AAGAB: variants seen among roughly 807,000 people sequenced by gnomAD.
AAGAB encodes the protein alpha- and gamma-adaptin-binding protein p34.
Under a neutral mutation model 44.1 loss-of-function variants are expected in AAGAB, and 38 were observed. The observed-to-expected ratio is 0.86, with a 90% CI of 0.67 to 1.13. The LOEUF is 1.13. Ranked by LOEUF, AAGAB falls within the 50% of genes most tolerant of loss-of-function variation. The pLI, the probability that AAGAB is intolerant of heterozygous loss-of-function variation, is 0.00. For missense variants in AAGAB, 450 were observed against 373.8 expected (o/e 1.20, Z -1.68); for synonymous variants, 131 against 131.8 (o/e 0.99, Z 0.04).
chr15:67,204,442 G>A (rs760700955), intron 7 of AAGAB, among the ~76,000 whole-genome samples: 14 of 152,196 alleles, frequency 9.2e-5, no homozygotes, highest in South Asian at 2.1e-4. Context: ...CAGCTAGTAA[G>A]TTGATTCAGA....
intron 7 of AAGAB, among the ~76,000 whole-genome samples, chr15:67,206,128 T>C (rs1270856375): frequency 1.3e-5 from 2 of 152,264 alleles, no homozygotes; most frequent in Non-Finnish European, 2.9e-5. Context: ...CTCCAATTTG[T>C]GACAGTTCCT....
Position 67,204,066 on chromosome 15 carries a change from A to G in AAGAB, c.798T>C (p.Phe266=), listed in dbSNP as rs756589595. The change falls in exon 8 of 10, where the codon TTT becomes TTC. Residue 266 remains phenylalanine, a synonymous_variant. Coordinates refer to ENST00000261880, the MANE Select transcript of AAGAB (RefSeq NM_024666.5). ...GGDVENFERL[F]SKLKEMKDKA... is the part of the protein sequence containing the mutation. ...TACCTTTCATTTCCTTTAACTTTGA[A>G]AAGAGTCTTTCAAAATTCTCCACAT... 28 of 1,608,490 alleles carry G rather than the reference A, an allele frequency of 1.7e-5. No individual in the cohort carries two copies. In the South Asian group the frequency reaches 3.1e-4, roughly 18 times the overall value.
chr15:67,236,899 T>C, intron 1 of AAGAB, 79 bp from the exon 2 acceptor site: 2 of 1,155,680 alleles, frequency 1.7e-6, no homozygotes, highest in Non-Finnish European at 2.4e-6. Context: ...AGATACCAGA[T>C]AAAGCTGGTA....
chr15:67,211,028 C>T (rs926090620), intron 5 of AAGAB, among the ~76,000 whole-genome samples: 2 of 152,190 alleles, frequency 1.3e-5, no homozygotes, highest in Non-Finnish European at 2.9e-5. Flanking sequence ...GATACCTGGT[C>T]ATACAGAGAT....
intron 1 of AAGAB, among the ~76,000 whole-genome samples, chr15:67,253,774 A>G (rs1343856507): frequency 1.3e-5 from 2 of 151,960 alleles, no homozygotes; most frequent in Admixed American, 6.6e-5. Flanking sequence ...AAAAAAGAAA[A>G]GAAGGAAGGA....
At chr15:67,242,561 T>G (rs192126902) in intron 1 of AAGAB, among the ~76,000 whole-genome samples, 176 of 152,276 alleles carry the variant, frequency 1.2e-3, no homozygotes, top group African/African-American at 3.8e-3. Flanking sequence ...TGTCAAATAT[T>G]TTGCAGTAGT....
intron 7 of AAGAB, among the ~76,000 whole-genome samples, chr15:67,206,054 AC>A (rs1963677855): frequency 6.6e-6 from 1 of 152,162 alleles, no homozygotes; most frequent in Non-Finnish European, 1.5e-5. Context: ...CGGTTTTTCC[AC>A]TAATATCCTT....
intron 5 of AAGAB, among the ~76,000 whole-genome samples, chr15:67,225,178 A>G (rs1040880383): frequency 2.0e-5 from 3 of 152,204 alleles, no homozygotes; most frequent in Admixed American, 1.3e-4. Flanking sequence ...ATGTGCAAAC[A>G]CGTTTGAGAA....
intron 4 of AAGAB, among the ~76,000 whole-genome samples, chr15:67,235,623 G>C (rs992586180): frequency 2.6e-5 from 4 of 152,100 alleles, no homozygotes; most frequent in African/African-American, 9.7e-5. Flanking sequence ...AGGTTACTAT[G>C]AATTCAAAAT....
chr15:67,254,967 C>A, upstream of AAGAB: 1 of 1,609,148 alleles, frequency 6.2e-7, no homozygotes, highest in Non-Finnish European at 8.5e-7. Flanking sequence ...GGGCTTCCCC[C>A]GGCCCTGCCC....
chr15:67,239,552 T>C (rs1431754627), intron 1 of AAGAB, among the ~76,000 whole-genome samples: 3 of 152,246 alleles, frequency 2.0e-5, no homozygotes, highest in Non-Finnish European at 4.4e-5. Context: ...TTTTGTTTTA[T>C]TCTCTGTGCT....
chr15:67,244,663 G>C (rs1964678814), intron 1 of AAGAB, among the ~76,000 whole-genome samples: 1 of 152,064 alleles, frequency 6.6e-6, no homozygotes, highest in African/African-American at 2.4e-5. Flanking sequence ...AATTAGCTGG[G>C]TGTGGTGGCA....
At chr15:67,225,746 T>C (rs541456246) in intron 5 of AAGAB, among the ~76,000 whole-genome samples, 1 of 152,356 alleles carries the variant, frequency 6.6e-6, no homozygotes, top group Admixed American at 6.5e-5. Context: ...TATGATTGAA[T>C]AACAGTCCAT....
intron 5 of AAGAB, among the ~76,000 whole-genome samples, chr15:67,225,665 C>T (rs933731015): frequency 4.6e-5 from 7 of 152,176 alleles, no homozygotes; most frequent in African/African-American, 1.2e-4. Context: ...CCTCTCGTGT[C>T]GGGCTTTTTT....
At chr15:67,222,242 G>GCGCGCACACACACACACACA (rs1367738219) in intron 5 of AAGAB, among the ~76,000 whole-genome samples, 5 of 90,042 alleles carry the variant, frequency 5.6e-5, no homozygotes, top group Admixed American at 2.8e-4. Flanking sequence ...GCGCGCGCGC[G>GCGCGCACACACACACACACA]CACACACACA....
intron 5 of AAGAB, among the ~76,000 whole-genome samples, chr15:67,217,809 C>T (rs7178794): frequency 1 from 152,335 of 152,360 alleles, 76,155 homozygotes; most frequent in Non-Finnish European, 1. Flanking sequence ...ATGCTGGAAT[C>T]ACAGGTGTGA....
chr15:67,216,047 A>G (rs1963936500), intron 5 of AAGAB, among the ~76,000 whole-genome samples: 1 of 152,190 alleles, frequency 6.6e-6, no homozygotes, highest in East Asian at 1.9e-4. Context: ...ATTTGAACAT[A>G]TAATGAACAT....
In AAGAB at chr15:67,244,450, T is replaced by C. The variant is rs976329324; in HGVS notation, c.74-7630A>G. Among the ~76,000 whole-genome samples, 16 of 152,172 alleles carry C rather than the reference T, an allele frequency of 1.1e-4. 1 individual carries two copies. The highest frequency in any genetic ancestry group is 3.9e-4 in the African/African-American group (16 of 41,446). On this transcript the variant is annotated intron_variant, in intron 1 of 9. Coordinates refer to ENST00000261880, the MANE Select transcript of AAGAB (RefSeq NM_024666.5). ...AAATTATATATCAATAAGGGACTTGTAACCAGAATATATAAGAACTTTTTC... is the reference window on the plus strand; with the variant it reads ...AAATTATATATCAATAAGGGACTTGCAACCAGAATATATAAGAACTTTTTC...
In AAGAB at chr15:67,211,949, G is replaced by A. The variant is rs534846117; in HGVS notation, c.536-2405C>T. Among the ~76,000 whole-genome samples, 279 of 151,614 alleles carry A rather than the reference G, an allele frequency of 1.8e-3. 1 individual carries two copies. The highest frequency in any genetic ancestry group is 6.8e-3 in the Middle Eastern group (2 of 292). On this transcript the variant is annotated intron_variant, in intron 5 of 9. Coordinates refer to ENST00000261880, the MANE Select transcript of AAGAB (RefSeq NM_024666.5). ...GGCTGGAGTGCAGTGGTGCGATCTCGGCTCACTGCAAGCTCCGCCTCCTGG... is the reference window on the plus strand; with the variant it reads ...GGCTGGAGTGCAGTGGTGCGATCTCAGCTCACTGCAAGCTCCGCCTCCTGG...
Sources: gnomAD v4.1 joint callset for allele counts (sites outside exome capture counted in the v4.1 genomes callset) on GRCh38, gnomAD v4.1.1 for gene constraint, MANE v1.5 for transcripts, NCBI Gene and HGNC (gene_info 2026-07-23, HGNC 2026-07-21) for gene names.